IGF2R: variants seen among roughly 807,000 people sequenced by gnomAD.
The protein encoded by IGF2R is cation-independent mannose-6-phosphate receptor.
IGF2R carries 91 observed loss-of-function variants against 270.6 expected under a neutral mutation model. The observed-to-expected ratio is 0.34, with a 90% CI of 0.28 to 0.40. IGF2R has a LOEUF of 0.40. Ranked by LOEUF, IGF2R falls within the 10% of genes least tolerant of loss-of-function variation. The pLI is 1.00. For synonymous variants in IGF2R, 1,316 were observed against 1,258.9 expected (o/e 1.05, Z -0.96); for missense variants, 2,805 against 3,188.3 (o/e 0.88, Z 2.90).
At position 160,105,905 on chromosome 6, in the gene IGF2R, TTG is replaced by T. The variant is rs68155905; in HGVS notation, c.*854_*855del. ...CCTGCCCAAAGATTGATTTGTGTGTTTGTGTGTGTGTGTGTGTGTGTGTGTGT... is the reference window on the plus strand; with the variant it reads ...CCTGCCCAAAGATTGATTTGTGTGTTTGTGTGTGTGTGTGTGTGTGTGTGT... On this transcript the variant is annotated 3_prime_UTR_variant, in exon 48 of 48. Transcript: ENST00000356956. The T allele has an allele frequency of 0.55, 80,385 of 145,688 alleles. 21,599 individuals are homozygous for T. The highest frequency in any genetic ancestry group is 0.56 in the Admixed American group (8,252 of 14,740). The allele number at this position is 145,688 out of a possible 1,614,324, so 9.0% of individuals were successfully genotyped here.
intron 1 of IGF2R, among the ~76,000 whole-genome samples, chr6:159,976,525 G>T (rs1398734740): frequency 6.6e-6 from 1 of 151,668 alleles, no homozygotes; most frequent in Non-Finnish European, 1.5e-5. Flanking sequence ...TCATTTTTCT[G>T]TTTCTCGTTT....
chr6:160,087,005 A>G (rs982825878), intron 41 of IGF2R, among the ~76,000 whole-genome samples: 5 of 151,766 alleles, frequency 3.3e-5, no homozygotes, highest in Non-Finnish European at 7.4e-5. Context: ...CTGCGCAGCC[A>G]CAAGCAGCCT....
intron 44 of IGF2R, 193 bp from the exon 45 acceptor site, chr6:160,096,246 C>T (rs1187793607): frequency 1.6e-5 from 8 of 486,686 alleles, no homozygotes; most frequent in Admixed American, 3.9e-5. Flanking sequence ...TGCATGCTGA[C>T]TAAGGGCAGG....
Position 160,069,919 on chromosome 6 carries a change from T to C in IGF2R, c.4304T>C (p.Val1435Ala). The change falls in exon 31 of 48, where the codon GTG (valine) becomes GCG (alanine). Residue 1435 changes from valine (V) to alanine (A), a missense_variant. Physicochemically the swap from Val to Ala is moderately conservative, Grantham distance 64. Coordinates refer to ENST00000356956, the MANE Select transcript of IGF2R (RefSeq NM_000876.4). The part of the protein sequence containing the change: ...AACLLGGSKP[V>A]NLGRVRDGPQ... ...TGTCTGCTGGGTGGCTCCAAGCCCGTGAACCTCGGCAGGGTAAGGGACGGA... is the reference window on the plus strand; with the variant it reads ...TGTCTGCTGGGTGGCTCCAAGCCCGCGAACCTCGGCAGGGTAAGGGACGGA... 1 of 1,614,198 alleles carries C rather than the reference T, an allele frequency of 6.2e-7. No individual in the cohort carries two copies. Among genetic ancestry groups the C allele is most frequent in the East Asian group, 2.2e-5 (1 of 44,888 alleles).
chr6:160,099,542 T>C (rs1029787374), intron 45 of IGF2R, among the ~76,000 whole-genome samples: 3 of 152,164 alleles, frequency 2.0e-5, no homozygotes, highest in African/African-American at 7.2e-5. Flanking sequence ...AATTTTTTTG[T>C]ATTTTTAGTA....
chr6:160,081,296 G>A (rs1254388144), intron 39 of IGF2R, among the ~76,000 whole-genome samples: 1 of 152,086 alleles, frequency 6.6e-6, no homozygotes, highest in East Asian at 1.9e-4. Context: ...GTCCGGGGGA[G>A]ACATTACATG....
intron 16 of IGF2R, 48 bp from the exon 17 acceptor site, chr6:160,047,744 C>A: frequency 1.8e-6 from 2 of 1,132,192 alleles, no homozygotes; most frequent in Non-Finnish European, 2.7e-6. Flanking sequence ...TTTTATGTCA[C>A]GTGTCTTTCT....
chr6:159,978,454 C>G (rs1026383958), intron 1 of IGF2R, among the ~76,000 whole-genome samples: 1 of 152,108 alleles, frequency 6.6e-6, no homozygotes, highest in Non-Finnish European at 1.5e-5. Flanking sequence ...AAGAGCCGTC[C>G]TCCCTGTTTC....
intron 4 of IGF2R, among the ~76,000 whole-genome samples, chr6:160,014,170 A>T (rs1014155762): frequency 7.2e-5 from 11 of 152,204 alleles, no homozygotes; most frequent in Admixed American, 1.3e-4. Context: ...CATTGTGTAA[A>T]TATACCTCCT....
chr6:160,051,165 T>C (rs1778187956), intron 19 of IGF2R, among the ~76,000 whole-genome samples: 1 of 152,140 alleles, frequency 6.6e-6, no homozygotes, highest in African/African-American at 2.4e-5. Context: ...CACAGAAGGT[T>C]ATGTACCCTA....
rs530544885 is a variant in IGF2R at position 160,110,712 on chromosome 6, TACAC to T, written c.*5636_*5639del. ...TGGATCAAGAAAATGCATGTATGTA[TACAC>T]ACACACAGTGGAATACCAAGTCTTG... is the stretch of plus-strand genomic sequence containing the variant. On this transcript the variant is annotated 3_prime_UTR_variant, in exon 48 of 48. Coordinates refer to ENST00000356956, the MANE Select transcript of IGF2R (RefSeq NM_000876.4). 2.0e-5 allele frequency: 3 copies of T among 152,168 alleles called. No individual in the cohort carries two copies. The highest frequency in any genetic ancestry group is 7.2e-5 in the African/African-American group (3 of 41,444). 9.4% of individuals were successfully genotyped at this position (152,168 alleles called of 1,614,324 possible).
At chr6:160,043,095 C>G (rs1777982481) in intron 11 of IGF2R, 53 bp from the exon 12 acceptor site, 2 of 1,593,418 alleles carry the variant, frequency 1.3e-6, no homozygotes, top group Admixed American at 1.7e-5. Context: ...TATTCTGTGA[C>G]TCAGAGAAAT....
rs188713561 is a variant in IGF2R at position 160,002,358 on chromosome 6, T to A, written c.290-6652T>A. ...ATGAGCTGTAATCAGGCCACTGTACTCCTGCCTAGGTAAGAGAGTAGTGAG... is the reference window on the plus strand; with the variant it reads ...ATGAGCTGTAATCAGGCCACTGTACACCTGCCTAGGTAAGAGAGTAGTGAG... On this transcript the variant is annotated intron_variant, in intron 2 of 47. Transcript: ENST00000356956. Among the ~76,000 whole-genome samples, 165 of 152,324 alleles carry A rather than the reference T, an allele frequency of 1.1e-3. 2 individuals carry two copies. The highest frequency in any genetic ancestry group is 3.8e-3 in the African/African-American group (158 of 41,576).
chr6:159,971,762 C>T (rs1360044555), intron 1 of IGF2R, among the ~76,000 whole-genome samples: 2 of 152,222 alleles, frequency 1.3e-5, no homozygotes, highest in African/African-American at 2.4e-5. Flanking sequence ...GTCCTTCCAC[C>T]TCACCCTTCT....
At chr6:160,011,034 G>A (rs559501343) in intron 4 of IGF2R, among the ~76,000 whole-genome samples, 1 of 152,196 alleles carries the variant, frequency 6.6e-6, no homozygotes, top group East Asian at 1.9e-4. Context: ...ATCCATATAG[G>A]GCAAGTTAGT....
intron 36 of IGF2R, among the ~76,000 whole-genome samples, chr6:160,077,407 T>TA (rs1778878498): frequency 1.3e-5 from 2 of 152,138 alleles, no homozygotes; most frequent in African/African-American, 4.8e-5. Context: ...AGTGATGCTT[T>TA]GTTATCTACA....
intron 2 of IGF2R, among the ~76,000 whole-genome samples, chr6:159,997,719 C>T (rs1784074833): frequency 6.6e-6 from 1 of 152,210 alleles, no homozygotes; most frequent in Non-Finnish European, 1.5e-5. Context: ...GTGCTCTCCA[C>T]TTGATACTCC....
intron 1 of IGF2R, among the ~76,000 whole-genome samples, chr6:159,989,166 G>C (rs1302388973): frequency 2.0e-5 from 3 of 152,140 alleles, no homozygotes; most frequent in Non-Finnish European, 4.4e-5. Flanking sequence ...GCTTTTGAAG[G>C]CCTATGTGTG....
At chr6:160,059,749 G>A (rs889159112) in intron 22 of IGF2R, among the ~76,000 whole-genome samples, 3 of 152,184 alleles carry the variant, frequency 2.0e-5, no homozygotes, top group East Asian at 1.9e-4. Context: ...CGCTTGGCCC[G>A]CTGGCCTCCC....
Sources: gnomAD v4.1 joint callset for allele counts (sites outside exome capture counted in the v4.1 genomes callset) on GRCh38, gnomAD v4.1.1 for gene constraint, MANE v1.5 for transcripts, NCBI Gene and HGNC (gene_info 2026-07-23, HGNC 2026-07-21) for gene names.